STARD13: variants seen among roughly 807,000 people sequenced by gnomAD.
The protein encoded by STARD13 is stAR-related lipid transfer protein 13.
A neutral mutation model predicts 106.4 loss-of-function variants in STARD13; 62 were observed. The ratio of observed to expected loss-of-function variants is 0.58; its 90% confidence interval spans 0.48 to 0.72. The LOEUF is 0.72. Ranked by LOEUF, STARD13 falls within the 30% of genes least tolerant of loss-of-function variation. STARD13 has a pLI of 0.00. For missense variants in STARD13, 1,387 were observed against 1,424.0 expected (o/e 0.97, Z 0.42); for synonymous variants, 565 against 553.0 (o/e 1.02, Z -0.31).
intron 4 of STARD13, among the ~76,000 whole-genome samples, chr13:33,139,954 T>A (rs1328253088): frequency 6.6e-6 from 1 of 152,138 alleles, no homozygotes; most frequent in Non-Finnish European, 1.5e-5. Flanking sequence ...AGGCCATAAC[T>A]CTCCAATTTA....
chr13:33,155,591 T>C (rs535972351), intron 3 of STARD13: 53 of 152,294 alleles, frequency 3.5e-4, no homozygotes, highest in African/African-American at 1.2e-3. Flanking sequence ...AGCTTAGGCA[T>C]ATAAAAGTCA....
the STARD13 span, among the ~76,000 whole-genome samples, chr13:33,358,100 G>C: frequency 1.3e-5 from 2 of 152,248 alleles, no homozygotes; most frequent in Non-Finnish European, 2.9e-5. Context: ...GCTGGCCCCG[G>C]GCAATGAGGG....
At chr13:33,602,650 C>T in the STARD13 span, among the ~76,000 whole-genome samples, 440 of 152,210 alleles carry the variant, frequency 2.9e-3, 3 homozygotes, top group African/African-American at 9.9e-3. Flanking sequence ...GGCCATGGAC[C>T]GGTCTGTGGC....
intron 12 of STARD13, among the ~76,000 whole-genome samples, chr13:33,107,801 G>A (rs1328315161): frequency 2.6e-5 from 4 of 152,070 alleles, no homozygotes; most frequent in South Asian, 2.1e-4. Context: ...CAGGAGCTAT[G>A]AGAACATCTC....
In STARD13 at chr13:33,223,323, A is replaced by G. The variant is rs866283393; in HGVS notation, c.170-55701T>C. Among the ~76,000 whole-genome samples, 12 of 152,330 alleles carry G rather than the reference A, an allele frequency of 7.9e-5. No homozygotes were observed. The Middle Eastern group carries it at 0.01, about 130-fold the overall frequency. ...CAACCTGGAGACATTTTAGAAGCTCATATGTAAGACACTTCTGGTTGTATA... is the reference window on the plus strand; with the variant it reads ...CAACCTGGAGACATTTTAGAAGCTCGTATGTAAGACACTTCTGGTTGTATA... On this transcript the variant is annotated intron_variant, in intron 1 of 13. Transcript: ENST00000336934.
chr13:33,508,535 A>G, the STARD13 span, among the ~76,000 whole-genome samples: 2 of 152,202 alleles, frequency 1.3e-5, no homozygotes, highest in African/African-American at 4.8e-5. Flanking sequence ...TATAAGCTGA[A>G]TTTATATTAT....
chr13:33,264,117 A>G (rs1017461889), intron 1 of STARD13, among the ~76,000 whole-genome samples: 2 of 152,222 alleles, frequency 1.3e-5, no homozygotes, highest in Admixed American at 6.5e-5. Flanking sequence ...GAGAGGCAGC[A>G]TCCACTGCCA....
the STARD13 span, among the ~76,000 whole-genome samples, chr13:33,646,581 A>C: frequency 2.4e-3 from 370 of 152,252 alleles, 5 homozygotes; most frequent in African/African-American, 8.5e-3. Context: ...GCTATTGGCT[A>C]GTTTGTGATG....
upstream of STARD13, among the ~76,000 whole-genome samples, chr13:33,350,861 C>T (rs2078072125): frequency 6.6e-6 from 1 of 152,102 alleles, no homozygotes; most frequent in African/African-American, 2.4e-5. Context: ...CAGTTTTACC[C>T]AGAAATCAGG....
chr13:33,113,334 A>G (rs1874892292), intron 8 of STARD13: 2 of 368,040 alleles, frequency 5.4e-6, no homozygotes. Flanking sequence ...CAGCTTGGGA[A>G]GCCACTCTCA....
At position 33,119,321 on chromosome 13, in the gene STARD13, G is replaced by A. The variant is rs1318187144; in HGVS notation, c.2083-1058C>T. Among the ~76,000 whole-genome samples the A allele has an allele frequency of 1.3e-5, 2 of 152,168 alleles. 1 individual carries two copies. Among genetic ancestry groups the A allele is most frequent in the Non-Finnish European group, 2.9e-5 (2 of 68,034 alleles). ...GCTCTCATTCCCCAGTGGCTCATGG[G>A]TTGGCCCACTTCTGCAAAGCAAGGT... On this transcript the variant is annotated intron_variant, in intron 7 of 13. Coordinates refer to ENST00000336934, the MANE Select transcript of STARD13 (RefSeq NM_178006.4).
At position 33,103,610 on chromosome 13, in the gene STARD13, T is replaced by C. The variant is rs1307205864; in HGVS notation, c.*1983A>G. ...GAATCTCAGGCCCAGCCCAGATTAC[T>C]TGGAGCAGAGTCTGCAGTTTCACAA... On this transcript the variant is annotated 3_prime_UTR_variant, in exon 14 of 14. Transcript: ENST00000336934. The C allele has an allele frequency of 6.6e-6, 1 of 152,664 alleles. No individual in the cohort carries two copies. Among genetic ancestry groups the C allele is most frequent in the Non-Finnish European group, 1.5e-5 (1 of 68,032 alleles). The allele number at this position is 152,664 out of a possible 1,614,324, so 9.5% of individuals were successfully genotyped here. A position where few individuals can be genotyped will look rare whatever the true frequency, so the allele number is the denominator to read the frequency against.
intron 1 of STARD13, among the ~76,000 whole-genome samples, chr13:33,292,200 C>G (rs1892320583): frequency 6.6e-6 from 1 of 152,076 alleles, no homozygotes; most frequent in Non-Finnish European, 1.5e-5. Flanking sequence ...CTTAAGATGC[C>G]TCTCTGACAA....
chr13:33,409,837 G>A, the STARD13 span, among the ~76,000 whole-genome samples: 1 of 152,196 alleles, frequency 6.6e-6, no homozygotes, highest in Non-Finnish European at 1.5e-5. Context: ...GTCTTAACTG[G>A]AAGTGCAAAT....
chr13:33,151,126 G>C (rs1356850593), intron 3 of STARD13, among the ~76,000 whole-genome samples: 1 of 125,262 alleles, frequency 8.0e-6, no homozygotes, highest in African/African-American at 3.1e-5. Context: ...TAGGCAAGGA[G>C]AATTACAGGA....
At chr13:33,420,158 C>A in the STARD13 span, among the ~76,000 whole-genome samples, 73 of 152,034 alleles carry the variant, frequency 4.8e-4, no homozygotes, top group African/African-American at 1.5e-3. Flanking sequence ...ACACAGACTG[C>A]CAAATTGGAT....
chr13:33,299,006 TG>T (rs1294564773), intron 1 of STARD13, among the ~76,000 whole-genome samples: 1 of 152,216 alleles, frequency 6.6e-6, no homozygotes, highest in African/African-American at 2.4e-5. Context: ...TTAATGACAG[TG>T]GTCCCATAAG....
At chr13:33,167,478 A>G (rs1283531837) in intron 2 of STARD13, 73 bp downstream of exon 2, 1 of 1,500,896 alleles carries the variant, frequency 6.7e-7, no homozygotes, top group Non-Finnish European at 9.2e-7. Context: ...GGAAGTCAAA[A>G]CACACCACAG....
the STARD13 span, among the ~76,000 whole-genome samples, chr13:33,597,683 T>TAA: frequency 5.7e-4 from 78 of 138,002 alleles, 1 homozygote; most frequent in African/African-American, 1.9e-3. Context: ...CCATCTCTAC[T>TAA]AAAAAAAAAA....
Sources: allele counts gnomAD v4.1 joint callset (sites outside exome capture counted in the v4.1 genomes callset), GRCh38; gene constraint gnomAD v4.1.1; transcripts MANE v1.5; gene names NCBI Gene and HGNC (gene_info 2026-07-23, HGNC 2026-07-21).